ZNF638: variants seen among roughly 807,000 people sequenced by gnomAD.
The protein encoded by ZNF638 is zinc finger protein 638.
ZNF638 carries 46 observed loss-of-function variants against 195.6 expected under a neutral mutation model. The ratio of observed to expected loss-of-function variants is 0.24; its 90% CI spans 0.19 to 0.30. The LOEUF (loss-of-function observed/expected upper bound fraction) is 0.30, where lower values mean the gene tolerates loss of function less well. Ranked by LOEUF, ZNF638 falls within the 10% of genes least tolerant of loss-of-function variation. The probability of loss-of-function intolerance (pLI) is 1.00; values close to 1 mark genes in which losing one functional copy is unlikely to be tolerated. For missense variants in ZNF638, 2,440 were observed against 2,325.3 expected (o/e 1.05, Z -1.01); for synonymous variants, 845 against 772.0 (o/e 1.09, Z -1.57).
intron 1 of ZNF638, among the ~76,000 whole-genome samples, chr2:71,343,128 A>G (rs2078790392): frequency 1.3e-5 from 2 of 152,238 alleles, no homozygotes; most frequent in South Asian, 2.1e-4. Flanking sequence ...TCTGTCTTCC[A>G]GAAATCCTTT....
chr2:71,348,430 T>TA lies in ZNF638; in HGVS notation c.-202-322dup, dbSNP rs551191342. 1.4e-5 allele frequency: 14 copies of TA among 1,015,868 alleles called. No individual in the cohort carries two copies. In the South Asian group the frequency reaches 4.3e-4, roughly 32 times the overall value. 62.9% of individuals were successfully genotyped at this position (1,015,868 alleles called of 1,614,324 possible). A position where few individuals can be genotyped will look rare whatever the true frequency, so the allele number is the denominator to read the frequency against. ...CCTTCATCTTTTTTTTCCCCAGTAT[T>TA]ACAGCGTGAAATAAATTCCCAGTAT... On this transcript the variant is annotated intron_variant, in intron 1 of 27. Coordinates refer to ENST00000264447, the MANE Select transcript of ZNF638 (RefSeq NM_014497.5).
At chr2:71,398,620 A>T in intron 11 of ZNF638, 81 bp from the exon 12 acceptor site, 2 of 1,116,818 alleles carry the variant, frequency 1.8e-6, no homozygotes, top group South Asian at 2.5e-5. Context: ...TTATTCTTAC[A>T]TCTTTTTCTC....
intron 3 of ZNF638, among the ~76,000 whole-genome samples, chr2:71,359,998 A>G (rs1382433910): frequency 1.3e-5 from 2 of 152,204 alleles, no homozygotes; most frequent in African/African-American, 4.8e-5. Context: ...CTTCAAAACC[A>G]TCTACGAGGT....
At chr2:71,424,773 C>G in intron 23 of ZNF638, 58 bp downstream of exon 23, 3 of 1,378,206 alleles carry the variant, frequency 2.2e-6, no homozygotes, top group Non-Finnish European at 3.0e-6. Context: ...CACAGTTCAT[C>G]TATCTTATAA....
intron 10 of ZNF638, among the ~76,000 whole-genome samples, chr2:71,381,809 A>G (rs956492796): frequency 1.3e-5 from 2 of 152,146 alleles, no homozygotes. Context: ...AAGCTTGGCA[A>G]AAGTACACTC....
chr2:71,412,098 TA>T lies in ZNF638; in HGVS notation c.3261+3855del, dbSNP rs1372842604. Among the ~76,000 whole-genome samples, 336 of 104,826 alleles carry T rather than the reference TA, an allele frequency of 3.2e-3. 11 individuals carry two copies. Among genetic ancestry groups the T allele is most frequent in the African/African-American group, 0.012 (303 of 25,090 alleles). The allele number at this position is 104,826 out of a possible 152,430, so 68.8% of individuals were successfully genotyped here. On this transcript the variant is annotated intron_variant, in intron 20 of 27. Transcript: ENST00000264447. ...CTAGTTTACAGTCCCACCAACAGTGTAAAAGTGTTCCTATTTCTCCACATCC... is the reference window on the plus strand; with the variant it reads ...CTAGTTTACAGTCCCACCAACAGTGTAAAGTGTTCCTATTTCTCCACATCC...
chr2:71,433,309 C>A (rs1484387484), intron 27 of ZNF638, 26 bp downstream of exon 27: 2 of 1,499,796 alleles, frequency 1.3e-6, no homozygotes, highest in Non-Finnish European at 9.3e-7. Context: ...CTTACAAAAT[C>A]TTGAGGTGTT....
At chr2:71,430,671 G>A (rs942415429) in intron 25 of ZNF638, among the ~76,000 whole-genome samples, 1 of 152,200 alleles carries the variant, frequency 6.6e-6, no homozygotes, top group Non-Finnish European at 1.5e-5. Context: ...TGAGGTAAAA[G>A]CTAAATGAAT....
Position 71,434,609 on chromosome 2 carries a change from T to TA in ZNF638, c.5872-132dup. 4 of 699,060 alleles carry TA rather than the reference T, an allele frequency of 5.7e-6. No homozygotes were observed. In the South Asian group the frequency reaches 8.1e-5, roughly 14 times the overall value. The allele number at this position is 699,060 out of a possible 1,614,324, so 43.3% of individuals were successfully genotyped here. On this transcript the variant is annotated intron_variant, in intron 27 of 27. Transcript: ENST00000264447. Reference sequence around the variant, plus strand: ...CTGATGAATGAAAGGAAGAAATGGTTATATAAGGCACTGTGTTTATAATAT... The same window carrying TA: ...CTGATGAATGAAAGGAAGAAATGGTTAATATAAGGCACTGTGTTTATAATAT...
At chr2:71,377,082 A>G (rs1168445585) in intron 8 of ZNF638, among the ~76,000 whole-genome samples, 3 of 152,166 alleles carry the variant, frequency 2.0e-5, no homozygotes, top group African/African-American at 7.2e-5. Context: ...AGACTAGCCC[A>G]GGCAATATAG....
intron 2 of ZNF638, among the ~76,000 whole-genome samples, 157 bp downstream of exon 2, chr2:71,350,428 C>G (rs2078920914): frequency 6.6e-6 from 1 of 152,166 alleles, no homozygotes; most frequent in Non-Finnish European, 1.5e-5. Context: ...TTAAGTAGCC[C>G]TGGCCTTAGT....
intron 20 of ZNF638, among the ~76,000 whole-genome samples, chr2:71,414,204 G>T (rs1419733564): frequency 1.4e-5 from 1 of 71,324 alleles, no homozygotes; most frequent in Non-Finnish European, 2.5e-5. Context: ...TTTAGTCTTG[G>T]GAGAGTGTAT....
intron 12 of ZNF638, 40 bp downstream of exon 12, chr2:71,398,812 T>A: frequency 6.7e-7 from 1 of 1,486,286 alleles, no homozygotes; most frequent in South Asian, 1.2e-5. Flanking sequence ...TGTTTATTCT[T>A]TATTTATGTT....
At chr2:71,408,308 T>G (rs2080145858) in intron 20 of ZNF638, 61 bp downstream of exon 20, 2 of 1,551,726 alleles carry the variant, frequency 1.3e-6, no homozygotes, top group Non-Finnish European at 1.7e-6. Context: ...ATAAAGGTCA[T>G]TCTCAGGTAG....
chr2:71,426,383 C>A, intron 23 of ZNF638, 77 bp from the exon 24 acceptor site: 1 of 1,070,636 alleles, frequency 9.3e-7, no homozygotes, highest in Non-Finnish European at 1.4e-6. Context: ...TCTGCATGCA[C>A]ATTTATTGTG....
chr2:71,379,463 T>C (rs763623158), intron 8 of ZNF638: 7 of 152,204 alleles, frequency 4.6e-5, no homozygotes, highest in Non-Finnish European at 2.9e-5. Context: ...ACTTAATAGC[T>C]GTCTTGGTTA....
At chr2:71,369,493 T>A (rs1164466399) in intron 7 of ZNF638, among the ~76,000 whole-genome samples, 2 of 152,024 alleles carry the variant, frequency 1.3e-5, no homozygotes, top group Non-Finnish European at 2.9e-5. Flanking sequence ...AAAAAGTTTG[T>A]GAGTCAGGAC....
intron 23 of ZNF638, among the ~76,000 whole-genome samples, chr2:71,425,415 C>T (rs1307698632): frequency 6.6e-6 from 1 of 152,040 alleles, no homozygotes; most frequent in Non-Finnish European, 1.5e-5. Flanking sequence ...TTTGATAGTA[C>T]AATCGCTTGT....
At chr2:71,377,725 A>G (rs894167988) in intron 8 of ZNF638, among the ~76,000 whole-genome samples, 2 of 152,238 alleles carry the variant, frequency 1.3e-5, no homozygotes, top group East Asian at 3.8e-4. Flanking sequence ...AAGGCATGGT[A>G]GATATATTTA....
Sources: gnomAD v4.1 joint callset for allele counts (sites outside exome capture counted in the v4.1 genomes callset) on GRCh38, gnomAD v4.1.1 for gene constraint, MANE v1.5 for transcripts, NCBI Gene and HGNC (gene_info 2026-07-23, HGNC 2026-07-21) for gene names.